The following NAALADL2 variants were observed in gnomAD, a reference collection of about 807,000 sequenced individuals.
The protein encoded by NAALADL2 is N-acetylated alpha-linked acidic dipeptidase like 2.
In NAALADL2, 76 loss-of-function variants were observed where a neutral mutation model predicts 87.2. The ratio of observed to expected loss-of-function variants is 0.87; its 90% CI spans 0.72 to 1.05. The LOEUF (loss-of-function observed/expected upper bound fraction) is 1.05. Among genes scored for constraint, NAALADL2 ranks in the 50% least tolerant of loss-of-function variants. NAALADL2 has a pLI of 0.00. For missense variants in NAALADL2, 1,089 were observed against 945.8 expected (o/e 1.15, Z -1.99); for synonymous variants, 354 against 331.0 (o/e 1.07, Z -0.75).
intron 1 of NAALADL2, among the ~76,000 whole-genome samples, chr3:174,996,374 G>A (rs1016141990): frequency 1.3e-5 from 2 of 151,926 alleles, no homozygotes; most frequent in African/African-American, 4.8e-5. Context: ...GCAGGTGCCT[G>A]TAGTCTCAGC....
intron 3 of NAALADL2, among the ~76,000 whole-genome samples, chr3:174,810,421 AGG>A (rs1411065765): frequency 6.6e-6 from 1 of 152,096 alleles, no homozygotes; most frequent in Non-Finnish European, 1.5e-5. Flanking sequence ...AGTGGAGCAA[AGG>A]TCACTTCTGT....
chr3:175,659,386 A>T (rs974288280), intron 11 of NAALADL2, among the ~76,000 whole-genome samples: 1 of 152,192 alleles, frequency 6.6e-6, no homozygotes, highest in African/African-American at 2.4e-5. Flanking sequence ...AGAGTTTAAA[A>T]TTCTAGTCAT....
chr3:174,443,603 T>C (rs1326765038), intron 1 of NAALADL2, among the ~76,000 whole-genome samples: 1 of 152,214 alleles, frequency 6.6e-6, no homozygotes, highest in Non-Finnish European at 1.5e-5. Context: ...CTCTTCATCA[T>C]ATAGCGGGTT....
At chr3:174,799,130 A>G (rs1461428525) in intron 3 of NAALADL2, among the ~76,000 whole-genome samples, 1 of 151,732 alleles carries the variant, frequency 6.6e-6, no homozygotes, top group Non-Finnish European at 1.5e-5. Context: ...TGATCGTGCC[A>G]CTGCACTCCA....
intron 11 of NAALADL2, chr3:175,676,178 C>G (rs1256689220): frequency 6.6e-6 from 1 of 152,248 alleles, no homozygotes; most frequent in East Asian, 1.9e-4. Context: ...TTCCATCTCT[C>G]CCTCCAAATA....
intron 5 of NAALADL2, among the ~76,000 whole-genome samples, chr3:175,445,955 G>A (rs1004800336): frequency 6.6e-6 from 1 of 152,056 alleles, no homozygotes; most frequent in Non-Finnish European, 1.5e-5. Context: ...CCGAGGGGCC[G>A]GCCTAGGGTT....
intron 2 of NAALADL2, among the ~76,000 whole-genome samples, chr3:175,192,012 T>C (rs2109063220): frequency 6.6e-6 from 1 of 152,102 alleles, no homozygotes; most frequent in East Asian, 1.9e-4. Flanking sequence ...AAATAAAGCC[T>C]GAAAGTGGCA....
At chr3:175,359,612 A>T (rs913722708) in intron 5 of NAALADL2, among the ~76,000 whole-genome samples, 5 of 152,042 alleles carry the variant, frequency 3.3e-5, no homozygotes, top group Non-Finnish European at 5.9e-5. Context: ...TAATAGCTTG[A>T]TACTGAAAAA....
At chr3:175,688,666 C>T (rs78865205) in intron 11 of NAALADL2, among the ~76,000 whole-genome samples, 3,193 of 151,994 alleles carry the variant, frequency 0.021, 127 homozygotes, top group African/African-American at 0.074. Context: ...AGTTTATGGA[C>T]GGTGAGATGG....
intron 5 of NAALADL2, among the ~76,000 whole-genome samples, chr3:175,428,507 C>G (rs1477589359): frequency 1.3e-5 from 2 of 151,980 alleles, no homozygotes; most frequent in East Asian, 1.9e-4. Context: ...GAAGTTCAGC[C>G]CAGGGTGACC....
intron 5 of NAALADL2, among the ~76,000 whole-genome samples, chr3:175,353,395 T>C (rs956298846): frequency 7.9e-5 from 12 of 152,172 alleles, no homozygotes; most frequent in Middle Eastern, 3.2e-3. Context: ...CATATTTACT[T>C]AATATTTAAT....
At chr3:175,528,534 T>A (rs1172997507) in intron 9 of NAALADL2, among the ~76,000 whole-genome samples, 1 of 152,082 alleles carries the variant, frequency 6.6e-6, no homozygotes, top group Non-Finnish European at 1.5e-5. Flanking sequence ...ACACTTTGCA[T>A]CCTTCAATCC....
At chr3:175,190,907 G>A (rs1438823841) in intron 2 of NAALADL2, among the ~76,000 whole-genome samples, 11 of 151,638 alleles carry the variant, frequency 7.3e-5, no homozygotes, top group Non-Finnish European at 1.5e-4. Flanking sequence ...GAACCCGGGA[G>A]GCGGAGCTTG....
rs1256928865 is a variant in NAALADL2 at position 174,456,413 on chromosome 3, A to C, written c.-184+15381A>C. Among the ~76,000 whole-genome samples, 18 of 90,436 alleles carry C rather than the reference A, an allele frequency of 2.0e-4. No individual in the cohort carries two copies. The East Asian group carries it at 6.8e-3, about 34-fold the overall frequency. 59.3% of individuals were successfully genotyped at this position (90,436 alleles called of 152,430 possible). On this transcript the variant is annotated intron_variant, in intron 1 of 3. Transcript: ENST00000434257. ...TCAACAGCCAAGGCAATCCTAAGCA[A>C]AAAAAAAAAAAAAAAAAAAAAATCA...
chr3:174,824,700 A>G (rs1721794678), intron 3 of NAALADL2, among the ~76,000 whole-genome samples: 3 of 152,188 alleles, frequency 2.0e-5, no homozygotes, highest in African/African-American at 7.2e-5. Flanking sequence ...TGAACCACCT[A>G]GCGATTATTT....
At chr3:175,385,015 C>T (rs183008318) in intron 5 of NAALADL2, among the ~76,000 whole-genome samples, 58 of 152,072 alleles carry the variant, frequency 3.8e-4, no homozygotes, top group Non-Finnish European at 6.5e-4. Flanking sequence ...CAACTGGGAC[C>T]TCCCACCAAC....
intron 1 of NAALADL2, among the ~76,000 whole-genome samples, chr3:174,868,118 T>A (rs1426506100): frequency 6.6e-6 from 1 of 152,096 alleles, no homozygotes; most frequent in East Asian, 1.9e-4. Flanking sequence ...GTGCATCTAA[T>A]GTAACTGCAT....
intron 11 of NAALADL2, among the ~76,000 whole-genome samples, chr3:175,644,337 C>T (rs910796278): frequency 9.2e-5 from 14 of 152,020 alleles, no homozygotes; most frequent in African/African-American, 3.4e-4. Context: ...CTTTGAGGTT[C>T]TTAAATTCCT....
rs565888887 is a variant in NAALADL2, at chr3:175,202,096, G to A, written c.546-31835G>A. Among the ~76,000 whole-genome samples the A allele has an allele frequency of 6.2e-4, 94 of 151,836 alleles. 1 individual carries two copies. Among genetic ancestry groups the A allele is most frequent in the African/African-American group, 2.1e-3 (88 of 41,392 alleles). On this transcript the variant is annotated intron_variant, in intron 2 of 13. Coordinates refer to ENST00000454872, the MANE Select transcript of NAALADL2 (RefSeq NM_207015.3). ...ACTAAGGCACAGACACTTAACAGTC[G>A]CTTGCCCAATGTGTCAAAGTTGAGG...
Sources: gnomAD v4.1 joint callset for allele counts (sites outside exome capture counted in the v4.1 genomes callset) on GRCh38, gnomAD v4.1.1 for gene constraint, MANE v1.5 for transcripts, NCBI Gene and HGNC (gene_info 2026-07-23, HGNC 2026-07-21) for gene names.